Variants in PPM1L observed in about 807,000 individuals in gnomAD.
The protein encoded by PPM1L is protein phosphatase 1L.
A neutral mutation model predicts 31.4 loss-of-function variants in PPM1L; 13 were observed. The observed-to-expected ratio is 0.41, with a 90% CI of 0.27 to 0.66. The LOEUF is 0.66. Among genes scored for constraint, PPM1L ranks in the 30% least tolerant of loss-of-function variants. The probability of loss-of-function intolerance (pLI) is 0.29; values close to 1 mark genes in which losing one functional copy is unlikely to be tolerated. For synonymous variants in PPM1L, 184 were observed against 175.4 expected, an observed-to-expected ratio of 1.05 and a Z score of -0.39; for missense variants, 326 against 453.7, an observed-to-expected ratio of 0.72 and a Z score of 2.56.
intron 2 of PPM1L, among the ~76,000 whole-genome samples, chr3:161,049,078 A>T (rs76633965): frequency 1.4e-5 from 1 of 73,332 alleles, no homozygotes; most frequent in South Asian, 5.5e-4. Flanking sequence ...TTAAAGTATT[A>T]AAAAAAAAAA....
intron 1 of PPM1L, among the ~76,000 whole-genome samples, chr3:160,915,592 G>C (rs186475950): frequency 3.5e-4 from 54 of 152,130 alleles, no homozygotes; most frequent in African/African-American, 1.3e-3. Flanking sequence ...AAAGGAGCCC[G>C]CATTGCCAAG....
chr3:160,865,235 T>G (rs1285123195), intron 1 of PPM1L, among the ~76,000 whole-genome samples: 1 of 152,050 alleles, frequency 6.6e-6, no homozygotes. Flanking sequence ...GAAGACATGA[T>G]CCAGATTTAT....
intron 2 of PPM1L, among the ~76,000 whole-genome samples, chr3:161,001,375 C>T (rs1200361014): frequency 1.3e-5 from 2 of 152,170 alleles, no homozygotes; most frequent in African/African-American, 2.4e-5. Flanking sequence ...TCCACCTTCC[C>T]GGGTTCACGT....
chr3:160,761,843 T>G (rs1231886871), intron 1 of PPM1L, among the ~76,000 whole-genome samples: 1 of 152,132 alleles, frequency 6.6e-6, no homozygotes, highest in African/African-American at 2.4e-5. Flanking sequence ...GAAGAGAGCT[T>G]GTGGAGGGAA....
rs1388591206 is a variant in PPM1L, at chr3:160,804,285, G to A, written c.399+47578G>A. 2.0e-5 allele frequency among the ~76,000 whole-genome samples: 3 copies of A among 152,054 alleles called. No individual in the cohort carries two copies. In the East Asian group the frequency reaches 5.8e-4, roughly 29 times the overall value. On this transcript the variant is annotated intron_variant, in intron 1 of 3. Transcript: ENST00000498165. ...AAAAACCTCCTCCCTGTCAAAGAAA[G>A]GATCATTGTTTTTGTTGAATTATGA...
At chr3:161,038,585 T>TAAAAA (rs35502476) in intron 2 of PPM1L, among the ~76,000 whole-genome samples, 1 of 110,582 alleles carries the variant, frequency 9.0e-6, no homozygotes, top group Non-Finnish European at 1.9e-5. Context: ...GGATTTGTTT[T>TAAAAA]AAAAAAAAAA....
chr3:160,765,307 A>G (rs1251812526), intron 1 of PPM1L, among the ~76,000 whole-genome samples: 1 of 152,190 alleles, frequency 6.6e-6, no homozygotes, highest in African/African-American at 2.4e-5. Flanking sequence ...TTTTGGTTGA[A>G]GCCCTACAGA....
intron 2 of PPM1L, among the ~76,000 whole-genome samples, chr3:161,063,029 T>C (rs1719621505): frequency 6.6e-6 from 1 of 152,194 alleles, no homozygotes; most frequent in African/African-American, 2.4e-5. Flanking sequence ...CCAAGAGTGA[T>C]GCTGAAGTAA....
At chr3:160,854,461 C>A (rs1356164134) in intron 1 of PPM1L, among the ~76,000 whole-genome samples, 1 of 152,102 alleles carries the variant, frequency 6.6e-6, no homozygotes, top group East Asian at 1.9e-4. Context: ...ATTCATTGAT[C>A]CTAATCATGG....
In PPM1L at chr3:160,756,787, G is replaced by GTGTGTA; in HGVS notation, c.399+83_399+84insGTATGT. The GTGTGTA allele has an allele frequency of 7.4e-7, 1 of 1,350,496 alleles. No homozygotes were observed. The highest frequency in any genetic ancestry group is 1.0e-6 in the Non-Finnish European group (1 of 994,760). 83.7% of individuals were successfully genotyped at this position (1,350,496 alleles called of 1,614,324 possible). A position where few individuals can be genotyped will look rare whatever the true frequency, so the allele number is the denominator to read the frequency against. On this transcript the variant is annotated intron_variant, in intron 1 of 3. Transcript: ENST00000498165. The surrounding 1 kb of genome is among the most constrained non-coding windows in gnomAD (Gnocchi z 6.2). Reference sequence around the variant, plus strand: ...TGTGTGTGTGTGTGTGTGTGTGTGTGTGTATAAACAACAGGACAGCGTGTG... The same window carrying GTGTGTA: ...TGTGTGTGTGTGTGTGTGTGTGTGTGTGTGTATGTATAAACAACAGGACAGCGTGTG...
At chr3:160,786,235 T>TTTTTAA (rs1230108633) in intron 1 of PPM1L, among the ~76,000 whole-genome samples, 1 of 104,162 alleles carries the variant, frequency 9.6e-6, no homozygotes, top group African/African-American at 4.3e-5. Flanking sequence ...TTTTTTTTTT[T>TTTTTAA]AAGACAGAGT....
chr3:160,963,344 A>G (rs1331224233), intron 2 of PPM1L, among the ~76,000 whole-genome samples: 2 of 152,090 alleles, frequency 1.3e-5, no homozygotes, highest in Admixed American at 1.3e-4. Flanking sequence ...CAATTGTTGA[A>G]TGCACGGCAA....
intron 1 of PPM1L, among the ~76,000 whole-genome samples, chr3:160,802,889 T>G (rs944037233): frequency 2.6e-5 from 4 of 152,224 alleles, no homozygotes; most frequent in Non-Finnish European, 5.9e-5. Context: ...GAATTAAAAA[T>G]CTCACTACTC....
intron 1 of PPM1L, among the ~76,000 whole-genome samples, chr3:160,772,490 A>G (rs1200847056): frequency 2.0e-5 from 3 of 152,242 alleles, no homozygotes; most frequent in African/African-American, 7.2e-5. Context: ...GGAGAAGGTC[A>G]TCTAATACAT....
intron 1 of PPM1L, among the ~76,000 whole-genome samples, chr3:160,948,477 G>T (rs1311350121): frequency 6.6e-6 from 1 of 152,136 alleles, no homozygotes; most frequent in African/African-American, 2.4e-5. Flanking sequence ...TCAGGTCAGT[G>T]TTCTTACCAT....
chr3:160,809,742 G>A (rs1258345458), intron 1 of PPM1L, among the ~76,000 whole-genome samples: 1 of 152,044 alleles, frequency 6.6e-6, no homozygotes, highest in Non-Finnish European at 1.5e-5. Flanking sequence ...GAGCCCTGCT[G>A]CTTACCAATG....
At chr3:161,013,257 A>ATT (rs1357432562) in intron 2 of PPM1L, among the ~76,000 whole-genome samples, 3 of 152,130 alleles carry the variant, frequency 2.0e-5, no homozygotes, top group Non-Finnish European at 4.4e-5. Context: ...GAACATCTTT[A>ATT]TTTCTGCCTT....
intron 2 of PPM1L, among the ~76,000 whole-genome samples, chr3:161,053,467 C>A (rs978763341): frequency 1.3e-5 from 2 of 152,178 alleles, no homozygotes; most frequent in Non-Finnish European, 2.9e-5. Context: ...GAAGGTTGCC[C>A]ATAGGCTGCA....
In PPM1L at chr3:161,074,654, CTATT is replaced by C. The variant is rs1559946656; in HGVS notation, c.*5499_*5502del. ...ATCCTTAGTAATGTTAATGCTTTGT[CTATT>C]TGTTATTTTTACCACTGTTGAACAG... On this transcript the variant is annotated 3_prime_UTR_variant, in exon 4 of 4. Transcript: ENST00000498165. 1 of 152,082 alleles carries C rather than the reference CTATT, an allele frequency of 6.6e-6. No individual in the cohort carries two copies. Among genetic ancestry groups the C allele is most frequent in the Non-Finnish European group, 1.5e-5 (1 of 68,002 alleles). The allele number at this position is 152,082 out of a possible 1,614,324, so 9.4% of individuals were successfully genotyped here. A position where few individuals can be genotyped will look rare whatever the true frequency, so the allele number is the denominator to read the frequency against.
Sources: gnomAD v4.1 joint callset for allele counts (sites outside exome capture counted in the v4.1 genomes callset) on GRCh38, gnomAD v4.1.1 for gene constraint, Gnocchi (gnomAD v3.1) non-coding constraint, MANE v1.5 for transcripts, NCBI Gene and HGNC (gene_info 2026-07-23, HGNC 2026-07-21) for gene names.